Variants in HDAC4 observed in about 807,000 individuals in gnomAD.
The protein encoded by HDAC4 is histone deacetylase A.
In HDAC4, 16 loss-of-function variants were observed where a neutral mutation model predicts 135.1. The observed-to-expected ratio is 0.12, with a 90% CI of 0.08 to 0.18. HDAC4 has a LOEUF of 0.18. HDAC4 is among the 10% of genes least tolerant of loss of function. The pLI, the probability that HDAC4 is intolerant of heterozygous loss-of-function variation, is 1.00. For missense variants in HDAC4, 1,143 were observed against 1,511.8 expected (o/e 0.76, Z 4.05); for synonymous variants, 685 against 653.4 (o/e 1.05, Z -0.74).
intron 1 of HDAC4, among the ~76,000 whole-genome samples, chr2:239,363,815 C>A (rs909429439): frequency 6.6e-6 from 1 of 152,190 alleles, no homozygotes; most frequent in Non-Finnish European, 1.5e-5. Flanking sequence ...CCCTGCCACA[C>A]ATACACCCAG....
chr2:239,053,909 C>A (rs895947981), intron 25 of HDAC4, among the ~76,000 whole-genome samples: 1 of 152,086 alleles, frequency 6.6e-6, no homozygotes, highest in Non-Finnish European at 1.5e-5. Context: ...CCCTTTCTGC[C>A]CTGGGTGGCC....
At chr2:239,054,913 T>C (rs2031556490) in intron 24 of HDAC4, 80 bp from the exon 25 acceptor site, 2 of 976,906 alleles carry the variant, frequency 2.0e-6, no homozygotes, top group Non-Finnish European at 3.3e-6. Flanking sequence ...AGACTGCAAC[T>C]GTTTCCTGAG....
chr2:239,129,742 C>T (rs1258572395), intron 11 of HDAC4, among the ~76,000 whole-genome samples: 8 of 152,170 alleles, frequency 5.3e-5, no homozygotes, highest in African/African-American at 4.8e-5. Flanking sequence ...GAAGTCCATA[C>T]TCTAACACAC....
intron 2 of HDAC4, among the ~76,000 whole-genome samples, chr2:239,318,713 T>C (rs1371478815): frequency 6.7e-6 from 1 of 148,580 alleles, no homozygotes; most frequent in Non-Finnish European, 1.5e-5. Context: ...TGCATATCAA[T>C]AAACAGTAAT....
chr2:239,243,807 A>G lies in HDAC4; in HGVS notation c.23-7143T>C, dbSNP rs139670596. On this transcript the variant is annotated intron_variant, in intron 2 of 26. Coordinates refer to ENST00000543185, the MANE Select transcript of HDAC4 (RefSeq NM_001378414.1). Reference sequence around the variant, plus strand: ...TCCATTCCTGTACTCTGCACCCTCCATGCCCTACAACTAACACCTTCCATC... The same window carrying G: ...TCCATTCCTGTACTCTGCACCCTCCGTGCCCTACAACTAACACCTTCCATC... Among the ~76,000 whole-genome samples, 415 of 152,224 alleles carry G rather than the reference A, an allele frequency of 2.7e-3. 1 individual carries two copies. Among genetic ancestry groups the G allele is most frequent in the Non-Finnish European group, 4.8e-3 (327 of 68,002 alleles).
chr2:239,121,002 T>C (rs1471424334), intron 12 of HDAC4, among the ~76,000 whole-genome samples: 1 of 51,298 alleles, frequency 1.9e-5, no homozygotes, highest in Non-Finnish European at 6.3e-5. Context: ...TTAAATTTCT[T>C]TTTTTTTTTT....
At position 239,352,885 on chromosome 2, in the gene HDAC4, G is replaced by A. The variant is rs1693254546; in HGVS notation, c.-186C>T. 1 of 649,728 alleles carries A rather than the reference G, an allele frequency of 1.5e-6. No individual in the cohort carries two copies. Among genetic ancestry groups the A allele is most frequent in the African/African-American group, 1.8e-5 (1 of 55,378 alleles). The allele number at this position is 649,728 out of a possible 1,614,324, so 40.2% of individuals were successfully genotyped here. A position where few individuals can be genotyped will look rare whatever the true frequency, so the allele number is the denominator to read the frequency against. ...TCATGAGCCAGGTAACCCACAAGTT[G>A]AACAGAGGCGTCCGCTGGCTTCTGC... On this transcript the variant is annotated 5_prime_UTR_variant, in exon 2 of 27. Coordinates refer to ENST00000543185, the MANE Select transcript of HDAC4 (RefSeq NM_001378414.1). This position sits in a 1 kb window ranked among gnomAD's most constrained non-coding sequence, Gnocchi z 4.4.
intron 5 of HDAC4, among the ~76,000 whole-genome samples, chr2:239,165,689 C>G (rs1352200259): frequency 2.0e-5 from 3 of 152,200 alleles, no homozygotes; most frequent in African/African-American, 4.8e-5. Context: ...GCTCAGTTAC[C>G]AAGTCTCATG....
chr2:239,279,821 G>A (rs747579453), intron 2 of HDAC4, among the ~76,000 whole-genome samples: 5 of 152,194 alleles, frequency 3.3e-5, no homozygotes, highest in Non-Finnish European at 7.4e-5. Flanking sequence ...GCGCCCTCAG[G>A]ATGAATGGCC....
At chr2:239,157,525 C>G (rs1456928076) in intron 6 of HDAC4, among the ~76,000 whole-genome samples, 1 of 152,206 alleles carries the variant, frequency 6.6e-6, no homozygotes, top group Non-Finnish European at 1.5e-5. Flanking sequence ...GAGGCGGGCC[C>G]TGGGCCGGGA....
chr2:239,099,839 G>A (rs921735040), intron 16 of HDAC4, among the ~76,000 whole-genome samples: 2 of 152,190 alleles, frequency 1.3e-5, no homozygotes, highest in African/African-American at 4.8e-5. Flanking sequence ...AGTAGAGGCC[G>A]GCCTCCATGA....
chr2:239,224,330 C>T (rs55681232), intron 3 of HDAC4, among the ~76,000 whole-genome samples: 18,444 of 152,238 alleles, frequency 0.12, 1,220 homozygotes, highest in African/African-American at 0.13. Context: ...CCTGCTCCTC[C>T]GATGCCTGTC....
In HDAC4 at chr2:239,400,653, G is replaced by T; in HGVS notation, c.-220+325C>A. 6.8e-6 allele frequency: 1 copy of T among 146,696 alleles called. No homozygotes were observed. Among genetic ancestry groups the T allele is most frequent in the South Asian group, 1.9e-4 (1 of 5,404 alleles). The allele number at this position is 146,696 out of a possible 1,614,324, so 9.1% of individuals were successfully genotyped here. A position where few individuals can be genotyped will look rare whatever the true frequency, so the allele number is the denominator to read the frequency against. Reference sequence around the variant, plus strand: ...TGCGCGGGGCGCGGGGCGGGCGGCGGACAATGGCCCGCGGGCGCCGGGCCG... The same window carrying T: ...TGCGCGGGGCGCGGGGCGGGCGGCGTACAATGGCCCGCGGGCGCCGGGCCG... On this transcript the variant is annotated intron_variant, in intron 1 of 26. Coordinates refer to ENST00000543185, the MANE Select transcript of HDAC4 (RefSeq NM_001378414.1). The surrounding 1 kb of genome is among the most constrained non-coding windows in gnomAD (Gnocchi z 4.7).
intron 2 of HDAC4, among the ~76,000 whole-genome samples, chr2:239,288,289 G>A (rs2051251858): frequency 6.6e-6 from 1 of 152,202 alleles, no homozygotes; most frequent in Non-Finnish European, 1.5e-5. Context: ...ATGGAACACA[G>A]CTATCCATGA....
intron 2 of HDAC4, among the ~76,000 whole-genome samples, chr2:239,239,403 T>C (rs2048056046): frequency 6.6e-6 from 1 of 152,190 alleles, no homozygotes; most frequent in Non-Finnish European, 1.5e-5. Context: ...TCAGTACCAC[T>C]GGGGTCAGCA....
chr2:239,095,856 G>T lies in HDAC4; in HGVS notation c.2234-800C>A, dbSNP rs566014475. 9.2e-5 allele frequency among the ~76,000 whole-genome samples: 14 copies of T among 152,316 alleles called. No individual in the cohort carries two copies. The South Asian group carries it at 2.9e-3, about 32-fold the overall frequency. On this transcript the variant is annotated intron_variant, in intron 16 of 26. Coordinates refer to ENST00000543185, the MANE Select transcript of HDAC4 (RefSeq NM_001378414.1). ...CCAGGGGCGGGACCTACCATTCCTA[G>T]CGGCTGCCTGGGCCCCAATCCCTCA...
At chr2:239,190,332 C>G (rs949990256) in intron 3 of HDAC4, among the ~76,000 whole-genome samples, 5 of 152,226 alleles carry the variant, frequency 3.3e-5, no homozygotes, top group African/African-American at 4.8e-5. Context: ...AGGACGCACT[C>G]CACAATCCCT....
At chr2:239,211,150 C>T (rs543430536) in intron 3 of HDAC4, among the ~76,000 whole-genome samples, 56 of 152,322 alleles carry the variant, frequency 3.7e-4, no homozygotes, top group Non-Finnish European at 7.1e-4. Flanking sequence ...ATCACTTTCT[C>T]ACAAAAAGAT....
chr2:239,335,582 A>C (rs2125840287), intron 2 of HDAC4, among the ~76,000 whole-genome samples: 1 of 152,116 alleles, frequency 6.6e-6, no homozygotes, highest in Non-Finnish European at 1.5e-5. Flanking sequence ...AGCAACAAAC[A>C]ACAAAAAGCT....
Sources: gnomAD v4.1 joint callset for allele counts (sites outside exome capture counted in the v4.1 genomes callset) on GRCh38, gnomAD v4.1.1 for gene constraint, Gnocchi (gnomAD v3.1) non-coding constraint, MANE v1.5 for transcripts, NCBI Gene and HGNC (gene_info 2026-07-23, HGNC 2026-07-21) for gene names.